The following PMM2 variants were observed in gnomAD, a reference collection of about 807,000 sequenced individuals.
The protein encoded by PMM2 is phosphomannomutase 2.
A neutral mutation model predicts 33.2 loss-of-function variants in PMM2; 35 were observed. That is an observed-to-expected ratio of 1.06 (90% CI 0.81 to 1.40). PMM2 has a LOEUF of 1.40. PMM2 is among the 40% of genes most tolerant of loss of function. PMM2 has a pLI of 0.00. For synonymous variants in PMM2, 153 were observed against 114.7 expected (o/e 1.33, Z -2.13); for missense variants, 386 against 306.0 (o/e 1.26, Z -1.95).
intron 7 of PMM2, among the ~76,000 whole-genome samples, chr16:8,817,167 A>T (rs535297065): frequency 2.2e-4 from 34 of 152,344 alleles, no homozygotes; most frequent in African/African-American, 7.7e-4. Context: ...TAAATCCCAG[A>T]TGAACTGGGT....
chr16:8,828,258 C>T (rs955766130), intron 7 of PMM2, among the ~76,000 whole-genome samples: 64 of 151,522 alleles, frequency 4.2e-4, no homozygotes, highest in African/African-American at 1.4e-3. Context: ...TCTCCCCAAA[C>T]GTAGTTTAGA....
rs138823960 is a variant in PMM2, at chr16:8,801,507, C to G, written c.67-292C>G. Among the ~76,000 whole-genome samples the G allele has an allele frequency of 2.7e-3, 413 of 152,142 alleles. 3 individuals are homozygous for G. The highest frequency in any genetic ancestry group is 9.5e-3 in the African/African-American group (396 of 41,512). On this transcript the variant is annotated intron_variant, in intron 1 of 7. Coordinates refer to ENST00000268261, the MANE Select transcript of PMM2 (RefSeq NM_000303.3). ...GCAACATGGCAAAACTTAGTCTCTA[C>G]AAAATATAAAAAAATTAGCCAGGTG... is the stretch of plus-strand genomic sequence containing the variant.
chr16:8,802,499 A>C, intron 2 of PMM2: 1 of 308,330 alleles, frequency 3.2e-6, no homozygotes, highest in Non-Finnish European at 6.4e-6. Context: ...TGGGTTATTC[A>C]TCTCCATAGC....
rs954086193 is a variant in PMM2 at position 8,849,308 on chromosome 16, T to G, written c.*1483T>G. The G allele has an allele frequency of 6.6e-6, 1 of 152,238 alleles. No individual in the cohort carries two copies. Among genetic ancestry groups the G allele is most frequent in the East Asian group, 1.9e-4 (1 of 5,196 alleles). 9.4% of individuals were successfully genotyped at this position (152,238 alleles called of 1,614,324 possible). A position where few individuals can be genotyped will look rare whatever the true frequency, so the allele number is the denominator to read the frequency against. ...CCTTCCAAAGTGAAGAGTAGCACAT[T>G]AAAGTGATTTTATTGTTTCCTGTTT... On this transcript the variant is annotated 3_prime_UTR_variant, in exon 8 of 8. Coordinates refer to ENST00000268261, the MANE Select transcript of PMM2 (RefSeq NM_000303.3).
Position 8,843,283 on chromosome 16 carries a change from T to C in PMM2, c.640-4441T>C, listed in dbSNP as rs535087852. Among the ~76,000 whole-genome samples the C allele has an allele frequency of 8.5e-5, 13 of 152,128 alleles. No homozygotes were observed. In the East Asian group the frequency reaches 1.7e-3, roughly 20 times the overall value. On this transcript the variant is annotated intron_variant, in intron 7 of 7. Coordinates refer to ENST00000268261, the MANE Select transcript of PMM2 (RefSeq NM_000303.3). ...AACAGTGGGTGGACTTACCCTCCAC[T>C]GTGAGAGTTACCCAAAGCTTGGCGT...
chr16:8,836,706 T>C (rs7190732), intron 7 of PMM2, among the ~76,000 whole-genome samples: 43,845 of 151,662 alleles, frequency 0.29, 6,659 homozygotes, highest in African/African-American at 0.36. Flanking sequence ...CGGGAGCAGA[T>C]TGGGTAATAA....
At chr16:8,816,835 A>G (rs986571681) in intron 7 of PMM2, among the ~76,000 whole-genome samples, 1 of 152,220 alleles carries the variant, frequency 6.6e-6, no homozygotes, top group African/African-American at 2.4e-5. Context: ...TATGATGGAA[A>G]ACTACATAGT....
chr16:8,798,037 AG>A, intron 1 of PMM2, 89 bp downstream of exon 1: 1 of 1,328,734 alleles, frequency 7.5e-7, no homozygotes, highest in Non-Finnish European at 1.0e-6. Flanking sequence ...GTAGGCGCCA[AG>A]GGGTGGCTAA....
intron 2 of PMM2, among the ~76,000 whole-genome samples, chr16:8,803,260 C>T (rs1481598252): frequency 5.3e-5 from 8 of 152,212 alleles, no homozygotes. Flanking sequence ...ACTCTCTCTT[C>T]CACTTCCACT....
chr16:8,822,649 C>T (rs2060744562), intron 7 of PMM2, among the ~76,000 whole-genome samples: 1 of 152,138 alleles, frequency 6.6e-6, no homozygotes, highest in South Asian at 2.1e-4. Context: ...TTTTATAATA[C>T]CTTATTCCTA....
intron 7 of PMM2, among the ~76,000 whole-genome samples, chr16:8,821,042 G>C (rs1279114319): frequency 6.6e-6 from 1 of 152,110 alleles, no homozygotes; most frequent in African/African-American, 2.4e-5. Context: ...GCTCTTTCAG[G>C]ACTCAAGGCT....
At position 8,804,040 on chromosome 16, in the gene PMM2, T is replaced by TTTTTTG. The variant is rs2060632620; in HGVS notation, c.179-722_179-721insGTTTTT. ...TTTTTGGGTTTTTTTTGTTTTTTTT[T>TTTTTTG]TTTTTTTTTTTGACGTTAGACAGAG... On this transcript the variant is annotated intron_variant, in intron 2 of 7. Transcript: ENST00000268261. 9.9e-5 allele frequency among the ~76,000 whole-genome samples: 7 copies of TTTTTTG among 70,356 alleles called. No homozygotes were observed. In the South Asian group the frequency reaches 2.4e-3, roughly 24 times the overall value. 46.2% of individuals were successfully genotyped at this position (70,356 alleles called of 152,430 possible).
At chr16:8,807,974 G>T (rs927368349) in intron 4 of PMM2, 4 of 152,192 alleles carry the variant, frequency 2.6e-5, no homozygotes, top group Non-Finnish European at 5.9e-5. Context: ...GAGGTTGCAA[G>T]TGATTTCTTT....
Position 8,847,816 on chromosome 16 carries a change from G to C in PMM2, c.732G>C (p.Leu244=), listed in dbSNP as rs1164763496. 3 of 1,612,484 alleles carry C rather than the reference G, an allele frequency of 1.9e-6. No individual in the cohort carries two copies. Among genetic ancestry groups the C allele is most frequent in the South Asian group, 1.1e-5 (1 of 91,056 alleles). The change falls in exon 8 of 8, where the codon CTG becomes CTC. Residue 244 remains leucine (L), a synonymous_variant. Coordinates refer to ENST00000268261, the MANE Select transcript of PMM2 (RefSeq NM_000303.3). ...PEDTRRICEL[L]FS ...ACACGCGCAGGATCTGTGAACTGCT[G>C]TTCTCCTAACGTGGGAGCGGGAGGG...
intron 7 of PMM2, among the ~76,000 whole-genome samples, chr16:8,834,783 A>G (rs2060832832): frequency 1.3e-5 from 2 of 152,168 alleles, no homozygotes; most frequent in Non-Finnish European, 2.9e-5. Flanking sequence ...CGCCATCAAT[A>G]AATCAAGCGT....
In PMM2 at chr16:8,813,130, C is replaced by A. The variant is rs548441503; in HGVS notation, c.639+24C>A. 100 of 1,397,130 alleles carry A rather than the reference C, an allele frequency of 7.2e-5. 1 individual carries two copies. In the South Asian group the frequency reaches 1.1e-3, roughly 15 times the overall value. The allele number at this position is 1,397,130 out of a possible 1,614,324, so 86.5% of individuals were successfully genotyped here. A position where few individuals can be genotyped will look rare whatever the true frequency, so the allele number is the denominator to read the frequency against. On this transcript the variant is annotated intron_variant, in intron 7 of 7. Transcript: ENST00000268261. ...CAGTAAGTAGAGAAGTGTTTGTGCA[C>A]CTTCATTGTTGCATTTGCGCTTGAT...
chr16:8,832,803 A>G (rs2062051093), intron 7 of PMM2: 1 of 985,208 alleles, frequency 1.0e-6, no homozygotes, highest in South Asian at 4.7e-5. Context: ...GCCCGGCCCC[A>G]GCCCCTGCCC....
intron 7 of PMM2, chr16:8,832,026 A>C (rs920954835): frequency 1.5e-4 from 78 of 514,518 alleles, no homozygotes; most frequent in Non-Finnish European, 1.9e-4. Context: ...ATGCAAATCC[A>C]GCATTTGAAA....
intron 1 of PMM2, among the ~76,000 whole-genome samples, chr16:8,800,692 G>A (rs919848459): frequency 1.7e-5 from 2 of 116,264 alleles, no homozygotes; most frequent in Non-Finnish European, 3.8e-5. Context: ...GTTTTGTTTT[G>A]TTTTGTTTTG....
Sources: gnomAD v4.1 joint callset for allele counts (sites outside exome capture counted in the v4.1 genomes callset) on GRCh38, gnomAD v4.1.1 for gene constraint, MANE v1.5 for transcripts, NCBI Gene and HGNC (gene_info 2026-07-23, HGNC 2026-07-21) for gene names.